CCDC60: variants seen among roughly 807,000 people sequenced by gnomAD.
CCDC60 encodes the protein coiled-coil domain-containing protein 60.
A neutral mutation model predicts 63.5 loss-of-function variants in CCDC60; 54 were observed. That is an observed-to-expected ratio of 0.85 (90% CI 0.68 to 1.07). The LOEUF (loss-of-function observed/expected upper bound fraction) is 1.07. Ranked by LOEUF, CCDC60 falls within the 50% of genes least tolerant of loss-of-function variation. The pLI is 0.00. For missense variants in CCDC60, 651 were observed against 684.3 expected (o/e 0.95, Z 0.54); for synonymous variants, 206 against 238.8 (o/e 0.86, Z 1.27).
intron 4 of CCDC60, chr12:119,479,464 A>C: frequency 2.3e-6 from 1 of 432,176 alleles, no homozygotes; most frequent in South Asian, 2.5e-5. Context: ...TAGTTTGCAA[A>C]GCCTGATAAA....
At chr12:119,371,039 AAAAAT>A (rs1165342626) in intron 1 of CCDC60, among the ~76,000 whole-genome samples, 2 of 152,128 alleles carry the variant, frequency 1.3e-5, no homozygotes, top group African/African-American at 2.4e-5. Flanking sequence ...CTCTATTTTA[AAAAAT>A]AAAATAAAAT....
In CCDC60 at chr12:119,341,547, T is replaced by C. The variant is rs150952107; in HGVS notation, c.90+6281T>C. 1.8e-3 allele frequency among the ~76,000 whole-genome samples: 272 copies of C among 152,312 alleles called. 2 individuals carry two copies. The highest frequency in any genetic ancestry group is 6.0e-3 in the African/African-American group (248 of 41,566). On this transcript the variant is annotated intron_variant, in intron 1 of 13. Transcript: ENST00000327554. Reference sequence around the variant, plus strand: ...TATGGCATAGATGTTTTGGAAGGATTAAATAAAATAATGCATGTGAAATAC... The same window carrying C: ...TATGGCATAGATGTTTTGGAAGGATCAAATAAAATAATGCATGTGAAATAC...
chr12:119,531,843 A>G (rs1027889144), intron 13 of CCDC60, among the ~76,000 whole-genome samples: 3 of 152,208 alleles, frequency 2.0e-5, no homozygotes, highest in African/African-American at 7.2e-5. Context: ...GTGTTTGTCA[A>G]AATGCATCAG....
At chr12:119,402,447 G>A (rs2136225388) in intron 1 of CCDC60, 1 of 152,340 alleles carries the variant, frequency 6.6e-6, no homozygotes, top group East Asian at 1.9e-4. Context: ...GTGAAGCAGA[G>A]AGAGTACAAG....
intron 7 of CCDC60, among the ~76,000 whole-genome samples, chr12:119,511,968 G>C (rs565816096): frequency 6.6e-6 from 1 of 152,250 alleles, no homozygotes; most frequent in East Asian, 1.9e-4. Flanking sequence ...AAAAATAAAG[G>C]TCAAGTTCAG....
chr12:119,461,473 T>C (rs1950855698), intron 2 of CCDC60, among the ~76,000 whole-genome samples: 1 of 152,152 alleles, frequency 6.6e-6, no homozygotes, highest in Non-Finnish European at 1.5e-5. Flanking sequence ...TTGGTCTGTC[T>C]TGGCCAAGCC....
intron 2 of CCDC60, among the ~76,000 whole-genome samples, chr12:119,468,487 C>T (rs1767682746): frequency 6.6e-6 from 1 of 152,070 alleles, no homozygotes; most frequent in Admixed American, 6.6e-5. Flanking sequence ...AACTGACTGT[C>T]TGGGATGGAT....
At chr12:119,467,144 C>T (rs1411887374) in intron 2 of CCDC60, among the ~76,000 whole-genome samples, 2 of 152,244 alleles carry the variant, frequency 1.3e-5, no homozygotes, top group Admixed American at 1.3e-4. Context: ...TGGCCCTGCT[C>T]TGCAGGTGCA....
chr12:119,393,522 T>A (rs1284024782), intron 1 of CCDC60, among the ~76,000 whole-genome samples: 1 of 152,250 alleles, frequency 6.6e-6, no homozygotes, highest in African/African-American at 2.4e-5. Flanking sequence ...TGGAGATTTG[T>A]ACCTGCATTA....
chr12:119,496,936 A>T (rs1451014654), intron 5 of CCDC60, among the ~76,000 whole-genome samples: 1 of 152,144 alleles, frequency 6.6e-6, no homozygotes, highest in Non-Finnish European at 1.5e-5. Flanking sequence ...TGCCATAATG[A>T]ACAACCCCCA....
Position 119,464,096 on chromosome 12 carries a change from C to T in CCDC60, c.171-7898C>T, listed in dbSNP as rs200682994. 1.4e-5 allele frequency among the ~76,000 whole-genome samples: 2 copies of T among 141,490 alleles called. 1 individual carries two copies. The highest frequency in any genetic ancestry group is 5.4e-5 in the African/African-American group (2 of 36,792). 92.8% of individuals were successfully genotyped at this position (141,490 alleles called of 152,430 possible). A position where few individuals can be genotyped will look rare whatever the true frequency, so the allele number is the denominator to read the frequency against. ...GCCTGGCCCAGAGATTTATTTAATT[C>T]GTAATTGGTTAAAGGAGCAAGAACT... On this transcript the variant is annotated intron_variant, in intron 2 of 13. Transcript: ENST00000327554.
intron 3 of CCDC60, among the ~76,000 whole-genome samples, chr12:119,476,924 A>C (rs1272271021): frequency 6.6e-6 from 1 of 152,154 alleles, no homozygotes; most frequent in Non-Finnish European, 1.5e-5. Context: ...TCAGCTCAAT[A>C]TTTACTTCTG....
chr12:119,346,898 C>T (rs1955603548), intron 1 of CCDC60, among the ~76,000 whole-genome samples: 1 of 150,596 alleles, frequency 6.6e-6, no homozygotes, highest in African/African-American at 2.4e-5. Flanking sequence ...GATCTGGGCT[C>T]ACTGCAGCCT....
chr12:119,479,439 C>T (rs758229530), intron 4 of CCDC60: 27 of 494,518 alleles, frequency 5.5e-5, no homozygotes, highest in Middle Eastern at 5.5e-4. Context: ...CCAAGCCAGA[C>T]GCTCTAATGT....
At chr12:119,444,622 C>G (rs893147270) in intron 2 of CCDC60, among the ~76,000 whole-genome samples, 1 of 152,230 alleles carries the variant, frequency 6.6e-6, no homozygotes, top group African/African-American at 2.4e-5. Flanking sequence ...GTGTCCTCCA[C>G]TGCCATTGCT....
intron 1 of CCDC60, among the ~76,000 whole-genome samples, chr12:119,408,610 T>C (rs1565992877): frequency 6.6e-6 from 1 of 152,080 alleles, no homozygotes; most frequent in Non-Finnish European, 1.5e-5. Flanking sequence ...GATCACGAGG[T>C]CAGGAGATCG....
At chr12:119,485,822 T>C (rs778134728) in intron 4 of CCDC60, among the ~76,000 whole-genome samples, 1 of 152,160 alleles carries the variant, frequency 6.6e-6, no homozygotes. Context: ...TTTAGGAAGT[T>C]TGAAGATTTT....
chr12:119,460,002 G>C (rs1383928965), intron 2 of CCDC60, among the ~76,000 whole-genome samples: 1 of 152,138 alleles, frequency 6.6e-6, no homozygotes, highest in African/African-American at 2.4e-5. Flanking sequence ...TGAACCCATG[G>C]GGCAATTACA....
chr12:119,449,336 G>A (rs2136278924), intron 2 of CCDC60, among the ~76,000 whole-genome samples: 1 of 152,320 alleles, frequency 6.6e-6, no homozygotes, highest in East Asian at 1.9e-4. Flanking sequence ...GAGGCATGTA[G>A]GGAGCTTGTT....
Sources: gnomAD v4.1 joint callset for allele counts (sites outside exome capture counted in the v4.1 genomes callset) on GRCh38, gnomAD v4.1.1 for gene constraint, MANE v1.5 for transcripts, NCBI Gene and HGNC (gene_info 2026-07-23, HGNC 2026-07-21) for gene names.